Variants in KAZN observed in about 807,000 individuals in gnomAD.
The protein encoded by KAZN is kazrin.
In KAZN, 40 loss-of-function variants were observed where a neutral mutation model predicts 87.4. The ratio of observed to expected loss-of-function variants is 0.46; its 90% confidence interval spans 0.36 to 0.60. The LOEUF (loss-of-function observed/expected upper bound fraction) is 0.60, where lower values mean the gene tolerates loss of function less well. KAZN is among the 20% of genes least tolerant of loss of function. The probability of loss-of-function intolerance (pLI) is 0.00; values close to 1 mark genes in which losing one functional copy is unlikely to be tolerated. For missense variants in KAZN, 898 were observed against 1,073.9 expected, an observed-to-expected ratio of 0.84 and a Z score of 2.29; for synonymous variants, 466 against 458.3, an observed-to-expected ratio of 1.02 and a Z score of -0.22.
intron 2 of KAZN, among the ~76,000 whole-genome samples, chr1:14,419,369 CTA>C (rs1230964535): frequency 6.6e-6 from 1 of 152,224 alleles, no homozygotes; most frequent in Non-Finnish European, 1.5e-5. Flanking sequence ...CCATCCCCAT[CTA>C]TCTCATTGCC....
chr1:14,761,545 G>A (rs1179100223), intron 1 of KAZN, among the ~76,000 whole-genome samples: 2 of 152,122 alleles, frequency 1.3e-5, no homozygotes, highest in Non-Finnish European at 2.9e-5. Flanking sequence ...GGATCCTCCC[G>A]CCCTACTGCC....
intron 1 of KAZN, among the ~76,000 whole-genome samples, chr1:14,831,052 G>T (rs1374922311): frequency 6.6e-6 from 1 of 152,218 alleles, no homozygotes; most frequent in Non-Finnish European, 1.5e-5. Flanking sequence ...TAGAGACAGG[G>T]TTTCACCATG....
chr1:14,738,523 C>T (rs918058574), intron 1 of KAZN, among the ~76,000 whole-genome samples: 2 of 152,010 alleles, frequency 1.3e-5, no homozygotes, highest in Admixed American at 6.6e-5. Context: ...AAATCATAAA[C>T]CTGTGGCTGT....
At chr1:13,942,263 A>G (rs35197187) in intron 1 of KAZN, among the ~76,000 whole-genome samples, 20,950 of 151,892 alleles carry the variant, frequency 0.14, 1,540 homozygotes, top group Middle Eastern at 0.22. Flanking sequence ...TTCACCGGCC[A>G]GGCGCGGTGG....
chr1:14,083,147 C>T (rs1643743850), intron 1 of KAZN, among the ~76,000 whole-genome samples: 2 of 152,210 alleles, frequency 1.3e-5, no homozygotes, highest in Non-Finnish European at 2.9e-5. Flanking sequence ...GGAACAAAAC[C>T]TAATTGTCCT....
At chr1:14,498,104 G>A (rs1670046544) in intron 2 of KAZN, among the ~76,000 whole-genome samples, 1 of 152,192 alleles carries the variant, frequency 6.6e-6, no homozygotes, top group Non-Finnish European at 1.5e-5. Flanking sequence ...AACGTTCCCT[G>A]ACTTTGCTCA....
At chr1:14,803,566 G>A (rs1403929178) in intron 1 of KAZN, among the ~76,000 whole-genome samples, 2 of 152,242 alleles carry the variant, frequency 1.3e-5, no homozygotes, top group Non-Finnish European at 2.9e-5. Flanking sequence ...CGCCCTGAGT[G>A]CCCGTGGCTC....
intron 1 of KAZN, among the ~76,000 whole-genome samples, chr1:14,698,513 C>T (rs1641742890): frequency 6.6e-6 from 1 of 152,230 alleles, no homozygotes; most frequent in African/African-American, 2.4e-5. Context: ...CTGCCCCTCC[C>T]ATGTGGGCCT....
At chr1:15,023,077 T>G (rs1670847020) in intron 2 of KAZN, among the ~76,000 whole-genome samples, 1 of 152,172 alleles carries the variant, frequency 6.6e-6, no homozygotes, top group Admixed American at 6.5e-5. Flanking sequence ...GGTGGGTAGG[T>G]CCTGAGCTGG....
chr1:14,609,824 C>G (rs1211817835), intron 1 of KAZN, among the ~76,000 whole-genome samples: 1 of 152,212 alleles, frequency 6.6e-6, no homozygotes, highest in African/African-American at 2.4e-5. Context: ...AACTGAGGCA[C>G]AGCAATTTAA....
chr1:14,041,583 C>G (rs956442960), intron 1 of KAZN, among the ~76,000 whole-genome samples: 6 of 152,146 alleles, frequency 3.9e-5, no homozygotes, highest in African/African-American at 1.4e-4. Context: ...CCCTTATGCT[C>G]CCTTTTGGCT....
chr1:13,941,109 C>T lies in KAZN; in HGVS notation c.91+47353C>T, dbSNP rs143926243. Among the ~76,000 whole-genome samples, 630 of 152,058 alleles carry T rather than the reference C, an allele frequency of 4.1e-3. 3 individuals are homozygous for T. The highest frequency in any genetic ancestry group is 0.015 in the African/African-American group (606 of 41,468). On this transcript the variant is annotated intron_variant, in intron 1 of 16. Transcript: ENST00000636203. The stretch of plus-strand genomic sequence containing the variant: ...CTCGGGAGGCTGAGGGGGAGAGAAT[C>T]GCTTGAACCTAGGAGGTGGAGGTTG...
chr1:14,703,598 ATT>A (rs1371223244), intron 1 of KAZN, among the ~76,000 whole-genome samples: 3 of 152,220 alleles, frequency 2.0e-5, no homozygotes, highest in Non-Finnish European at 4.4e-5. Context: ...GTATGTCTTT[ATT>A]AGCAGCATGA....
chr1:14,997,628 C>CGTGGATTCTCAGT (rs1267354596), intron 2 of KAZN, among the ~76,000 whole-genome samples: 1 of 152,198 alleles, frequency 6.6e-6, no homozygotes, highest in African/African-American at 2.4e-5. Context: ...CCAGCAGCCT[C>CGTGGATTCTCAGT]ACACACCCAG....
intron 1 of KAZN, among the ~76,000 whole-genome samples, chr1:14,784,860 A>G (rs1282120689): frequency 6.6e-6 from 1 of 152,114 alleles, no homozygotes; most frequent in Non-Finnish European, 1.5e-5. Context: ...ACTGGGCTGG[A>G]GTGATATCAC....
rs1639238054 is a variant in KAZN at position 15,066,528 on chromosome 1, T to G, written c.1222+775T>G. On this transcript the variant is annotated intron_variant, in intron 8 of 14. Coordinates refer to ENST00000376030, the MANE Select transcript of KAZN (RefSeq NM_201628.3). This position sits in a 1 kb window ranked among gnomAD's most constrained non-coding sequence, Gnocchi z 4.3. ...CCGGCTCTTTTAAACGGCCTACCAG[T>G]TTTTAAATTGCATTGCCGTTTCTTT... 32 of 985,248 alleles carry G rather than the reference T, an allele frequency of 3.2e-5. No individual in the cohort carries two copies. The highest frequency in any genetic ancestry group is 3.6e-5 in the Non-Finnish European group (30 of 829,896). The allele number at this position is 985,248 out of a possible 1,614,324, so 61.0% of individuals were successfully genotyped here. A position where few individuals can be genotyped will look rare whatever the true frequency, so the allele number is the denominator to read the frequency against.
chr1:14,655,987 C>T (rs1365717563), intron 1 of KAZN, among the ~76,000 whole-genome samples: 20 of 152,178 alleles, frequency 1.3e-4, no homozygotes, highest in Admixed American at 1.3e-3. Context: ...AGCGTTTTCA[C>T]TTGGCACCCT....
At chr1:14,694,702 G>C (rs1450034040) in intron 1 of KAZN, among the ~76,000 whole-genome samples, 4 of 152,148 alleles carry the variant, frequency 2.6e-5, no homozygotes, top group African/African-American at 4.8e-5. Flanking sequence ...GGGCGACTTA[G>C]GGAAAAGTCA....
intron 1 of KAZN, among the ~76,000 whole-genome samples, chr1:14,776,694 A>G (rs1004040069): frequency 6.6e-6 from 1 of 152,152 alleles, no homozygotes; most frequent in Non-Finnish European, 1.5e-5. Context: ...TGAGAGGCCT[A>G]GGTGGGAGAA....
Sources: gnomAD v4.1 joint callset for allele counts (sites outside exome capture counted in the v4.1 genomes callset) on GRCh38, gnomAD v4.1.1 for gene constraint, Gnocchi (gnomAD v3.1) non-coding constraint, MANE v1.5 for transcripts, NCBI Gene and HGNC (gene_info 2026-07-23, HGNC 2026-07-21) for gene names.